EXT1: variants seen among roughly 807,000 people sequenced by gnomAD.
EXT1 encodes exostosin-1.
EXT1 carries 20 observed loss-of-function variants against 82.5 expected under a neutral mutation model. The observed-to-expected ratio is 0.24, with a 90% CI of 0.17 to 0.35. The LOEUF (loss-of-function observed/expected upper bound fraction) is 0.35. Ranked by LOEUF, EXT1 falls within the 10% of genes least tolerant of loss-of-function variation. The pLI is 1.00. For missense variants in EXT1, 757 were observed against 936.5 expected (o/e 0.81, Z 2.50); for synonymous variants, 348 against 350.8 (o/e 0.99, Z 0.09).
chr8:118,069,441 CCTG>C (rs1817048408), intron 1 of EXT1, among the ~76,000 whole-genome samples: 1 of 152,138 alleles, frequency 6.6e-6, no homozygotes, highest in Admixed American at 6.5e-5. Context: ...GATCTCAACT[CCTG>C]CTAAGCACCC....
chr8:117,982,996 C>T (rs1333026032), intron 1 of EXT1, among the ~76,000 whole-genome samples: 1 of 152,188 alleles, frequency 6.6e-6, no homozygotes, highest in Non-Finnish European at 1.5e-5. Flanking sequence ...CATTCTCCTG[C>T]TCTTGACTTA....
chr8:118,078,125 C>T (rs531955760), intron 1 of EXT1, among the ~76,000 whole-genome samples: 54 of 152,122 alleles, frequency 3.5e-4, no homozygotes, highest in South Asian at 2.3e-3. Flanking sequence ...TTTCCAACTC[C>T]TTTTTTACAC....
chr8:117,871,276 A>G (rs1812865416), intron 1 of EXT1, among the ~76,000 whole-genome samples: 1 of 152,210 alleles, frequency 6.6e-6, no homozygotes, highest in Non-Finnish European at 1.5e-5. Flanking sequence ...GCATGTTCCT[A>G]TAACTTCAAG....
chr8:117,804,977 T>G, intron 9 of EXT1, 84 bp from the exon 10 acceptor site: 1 of 1,265,482 alleles, frequency 7.9e-7, no homozygotes, highest in South Asian at 1.2e-5. Context: ...CACATACCCA[T>G]TCTTTGAATC....
chr8:118,105,160 G>A (rs566975537), intron 1 of EXT1, among the ~76,000 whole-genome samples: 1 of 152,172 alleles, frequency 6.6e-6, no homozygotes, highest in Non-Finnish European at 1.5e-5. Context: ...CACAACTTCT[G>A]CTGTGACATT....
rs769918528 is a variant in EXT1 at position 117,798,708 on chromosome 8, T to C, written c.*1004A>G. 1 of 152,214 alleles carries C rather than the reference T, an allele frequency of 6.6e-6. No individual in the cohort carries two copies. 9.4% of individuals were successfully genotyped at this position (152,214 alleles called of 1,614,324 possible). A position where few individuals can be genotyped will look rare whatever the true frequency, so the allele number is the denominator to read the frequency against. Reference sequence around the variant, plus strand: ...ATTTCTACCTTATTACCCCTTTTTCTTTCTCAAAAGAGAAACTCTGAAACT... The same window carrying C: ...ATTTCTACCTTATTACCCCTTTTTCCTTCTCAAAAGAGAAACTCTGAAACT... On this transcript the variant is annotated 3_prime_UTR_variant, in exon 11 of 11. Coordinates refer to ENST00000378204, the MANE Select transcript of EXT1 (RefSeq NM_000127.3).
rs566863032 is a variant in EXT1, at chr8:117,829,900, G to C, written c.1284+330C>G. Among the ~76,000 whole-genome samples the C allele has an allele frequency of 3.3e-5, 5 of 152,104 alleles. No homozygotes were observed. In the East Asian group the frequency reaches 9.7e-4, roughly 29 times the overall value. On this transcript the variant is annotated intron_variant, in intron 4 of 10. Coordinates refer to ENST00000378204, the MANE Select transcript of EXT1 (RefSeq NM_000127.3). ...AATATTTTTTTCTAAATGAACTCCA[G>C]AAATATGTCTTCGAAGGATGCCATT...
chr8:118,044,672 G>T (rs1816591996), intron 1 of EXT1, among the ~76,000 whole-genome samples: 1 of 152,100 alleles, frequency 6.6e-6, no homozygotes, highest in Admixed American at 6.6e-5. Context: ...CTCCCAAAGT[G>T]CTGGGATTAC....
At chr8:117,948,745 C>G (rs1814436325) in intron 1 of EXT1, among the ~76,000 whole-genome samples, 1 of 152,196 alleles carries the variant, frequency 6.6e-6, no homozygotes, top group Non-Finnish European at 1.5e-5. Flanking sequence ...TGGGATCATT[C>G]CACTTGAAGG....
chr8:117,969,635 C>T (rs1269033979), intron 1 of EXT1, among the ~76,000 whole-genome samples: 4 of 152,078 alleles, frequency 2.6e-5, no homozygotes, highest in Non-Finnish European at 5.9e-5. Flanking sequence ...GTTTGCGAGT[C>T]CCCTCCCTCA....
intron 1 of EXT1, among the ~76,000 whole-genome samples, chr8:118,024,632 T>C (rs1170094261): frequency 6.6e-6 from 1 of 152,202 alleles, no homozygotes; most frequent in Non-Finnish European, 1.5e-5. Flanking sequence ...ACTTACAAAC[T>C]GTGCTAAATG....
chr8:118,102,402 A>C (rs1817736095), intron 1 of EXT1, among the ~76,000 whole-genome samples: 1 of 152,208 alleles, frequency 6.6e-6, no homozygotes, highest in Admixed American at 6.5e-5. Context: ...ACTAGAACAG[A>C]AAAATGCCCT....
At chr8:118,049,683 A>C (rs1816686796) in intron 1 of EXT1, among the ~76,000 whole-genome samples, 2 of 152,242 alleles carry the variant, frequency 1.3e-5, no homozygotes, top group Admixed American at 1.3e-4. Flanking sequence ...TTGCTAAGAG[A>C]CTAAAGAAGA....
At chr8:118,051,746 G>T (rs1420822548) in intron 1 of EXT1, among the ~76,000 whole-genome samples, 1 of 148,842 alleles carries the variant, frequency 6.7e-6, no homozygotes, top group African/African-American at 2.5e-5. Context: ...AACCCAATCA[G>T]CTATAAACAC....
intron 1 of EXT1, among the ~76,000 whole-genome samples, chr8:118,007,274 G>A (rs933770870): frequency 2.0e-5 from 3 of 151,968 alleles, no homozygotes; most frequent in East Asian, 1.9e-4. Context: ...TCCAACCTGG[G>A]GGACACAGCG....
chr8:118,091,731 C>T (rs1425759648), intron 1 of EXT1, among the ~76,000 whole-genome samples: 1 of 151,806 alleles, frequency 6.6e-6, no homozygotes, highest in Non-Finnish European at 1.5e-5. Context: ...GGCGACAGAG[C>T]GAGACTCCAT....
In EXT1 at chr8:117,827,784, C is replaced by CAA. The variant is rs768731740; in HGVS notation, c.1284+2444_1284+2445dup. ...TGGGGGACAGGGTGAGACTCTGTCT[C>CAA]AAAAAAAAAAAAAAAAAAAAAAAAA... On this transcript the variant is annotated intron_variant, in intron 4 of 10. Transcript: ENST00000378204. Among the ~76,000 whole-genome samples the CAA allele has an allele frequency of 3.3e-3, 181 of 54,132 alleles. 14 individuals carry two copies. Among genetic ancestry groups the CAA allele is most frequent in the African/African-American group, 8.5e-3 (107 of 12,552 alleles). The allele number at this position is 54,132 out of a possible 152,430, so 35.5% of individuals were successfully genotyped here. A position where few individuals can be genotyped will look rare whatever the true frequency, so the allele number is the denominator to read the frequency against.
At chr8:117,918,894 C>T (rs1477585394) in intron 1 of EXT1, among the ~76,000 whole-genome samples, 1 of 152,092 alleles carries the variant, frequency 6.6e-6, no homozygotes, top group Non-Finnish European at 1.5e-5. Flanking sequence ...GTTAGTCACA[C>T]TGTTGGAGGA....
intron 3 of EXT1, among the ~76,000 whole-genome samples, chr8:117,832,481 C>T (rs1257908893): frequency 6.6e-6 from 1 of 151,626 alleles, no homozygotes; most frequent in South Asian, 2.1e-4. Context: ...TGAGATTGCA[C>T]CGCTGCACTC....
Sources: allele counts gnomAD v4.1 joint callset (sites outside exome capture counted in the v4.1 genomes callset), GRCh38; gene constraint gnomAD v4.1.1; transcripts MANE v1.5; gene names NCBI Gene and HGNC (gene_info 2026-07-23, HGNC 2026-07-21).